Variants in L3MBTL4 observed in about 807,000 individuals in gnomAD.
L3MBTL4 encodes lethal(3)malignant brain tumor-like protein 4.
Under a neutral mutation model 84.5 loss-of-function variants are expected in L3MBTL4, and 70 were observed. The observed-to-expected ratio is 0.83, with a 90% confidence interval of 0.68 to 1.01. L3MBTL4 has a LOEUF of 1.01. Ranked by LOEUF, L3MBTL4 falls within the 50% of genes least tolerant of loss-of-function variation. The probability of loss-of-function intolerance (pLI) is 0.00; values close to 1 mark genes in which losing one functional copy is unlikely to be tolerated. For synonymous variants in L3MBTL4, 274 were observed against 259.8 expected (o/e 1.05, Z -0.52); for missense variants, 715 against 754.8 (o/e 0.95, Z 0.62).
At chr18:6,367,683 C>T (rs567593421) in intron 1 of L3MBTL4, 4 of 152,526 alleles carry the variant, frequency 2.6e-5, no homozygotes, top group African/African-American at 9.7e-5. Flanking sequence ...AGTCAGAGCA[C>T]TCAGATAAAG....
intron 12 of L3MBTL4, among the ~76,000 whole-genome samples, chr18:6,182,792 AG>A (rs34091017): frequency 0.64 from 97,035 of 152,094 alleles, 33,026 homozygotes; most frequent in African/African-American, 0.87. Flanking sequence ...GTTATTGAAT[AG>A]GGGAGTCCTT....
At chr18:6,264,309 A>G (rs1568404467) in intron 4 of L3MBTL4, among the ~76,000 whole-genome samples, 1 of 152,304 alleles carries the variant, frequency 6.6e-6, no homozygotes, top group East Asian at 1.9e-4. Flanking sequence ...GTTAGGTACC[A>G]TCTTGCTCCT....
At chr18:6,387,541 G>A (rs573689537) in intron 1 of L3MBTL4, among the ~76,000 whole-genome samples, 1 of 152,272 alleles carries the variant, frequency 6.6e-6, no homozygotes, top group South Asian at 2.1e-4. Flanking sequence ...TTTAATGGAA[G>A]AGTTTGAGAT....
At chr18:6,060,883 G>A (rs2057192804) in intron 16 of L3MBTL4, among the ~76,000 whole-genome samples, 2 of 152,016 alleles carry the variant, frequency 1.3e-5, no homozygotes, top group South Asian at 4.1e-4. Flanking sequence ...TATATCCACA[G>A]ACTCACCTAT....
At chr18:6,081,453 T>C (rs2058075412) in intron 15 of L3MBTL4, among the ~76,000 whole-genome samples, 1 of 152,236 alleles carries the variant, frequency 6.6e-6, no homozygotes, top group Non-Finnish European at 1.5e-5. Flanking sequence ...GTTATTCTTT[T>C]ATCATGGAAC....
In L3MBTL4 at chr18:6,245,865, A is replaced by G. The variant is rs547966056; in HGVS notation, c.220-1277T>C. On this transcript the variant is annotated intron_variant, in intron 5 of 18. Transcript: ENST00000317931. ...CTGAGCCTCCCAAAGGGCTAGGAAT[A>G]TAGGTGTGAGCCACTGCACCTGTCC... Among the ~76,000 whole-genome samples the G allele has an allele frequency of 2.0e-5, 3 of 152,310 alleles. No individual in the cohort carries two copies. In the South Asian group the frequency reaches 6.2e-4, roughly 32 times the overall value.
intron 18 of L3MBTL4, among the ~76,000 whole-genome samples, chr18:5,958,964 T>C (rs1302300411): frequency 1.3e-5 from 2 of 152,142 alleles, no homozygotes; most frequent in African/African-American, 4.8e-5. Flanking sequence ...GAGTAGACTG[T>C]ATGTGTGAAC....
intron 17 of L3MBTL4, among the ~76,000 whole-genome samples, chr18:5,966,947 T>C (rs540731407): frequency 4.6e-5 from 7 of 152,356 alleles, no homozygotes; most frequent in African/African-American, 1.4e-4. Flanking sequence ...AAATGTCTAT[T>C]GAATCTGAGT....
intron 1 of L3MBTL4, among the ~76,000 whole-genome samples, chr18:6,363,618 A>C (rs953041430): frequency 2.0e-5 from 3 of 151,334 alleles, no homozygotes; most frequent in African/African-American, 7.3e-5. Context: ...ACTTCATATG[A>C]GTTAACCCCT....
At chr18:5,975,272 C>G (rs2052858039) in intron 16 of L3MBTL4, among the ~76,000 whole-genome samples, 1 of 152,290 alleles carries the variant, frequency 6.6e-6, no homozygotes, top group African/African-American at 2.4e-5. Flanking sequence ...AACGGAGACC[C>G]ATTTCACAAG....
rs528272100 is a variant in L3MBTL4 at position 6,175,495 on chromosome 18, A to G, written c.982-3553T>C. Among the ~76,000 whole-genome samples, 54 of 152,362 alleles carry G rather than the reference A, an allele frequency of 3.5e-4. 1 individual carries two copies. Among genetic ancestry groups the G allele is most frequent in the Admixed American group, 1.4e-3 (21 of 15,306 alleles). On this transcript the variant is annotated intron_variant, in intron 12 of 18. Transcript: ENST00000317931. ...GAAAACTACGATCTACATGAAGAGTACTAGCAACAGCAAATATGCGGGGAA... is the reference window on the plus strand; with the variant it reads ...GAAAACTACGATCTACATGAAGAGTGCTAGCAACAGCAAATATGCGGGGAA...
chr18:6,037,737 C>T (rs2056204179), intron 16 of L3MBTL4, among the ~76,000 whole-genome samples: 1 of 152,230 alleles, frequency 6.6e-6, no homozygotes, highest in Admixed American at 6.5e-5. Context: ...CTGCAACCAA[C>T]TGTAGCCTCT....
intron 14 of L3MBTL4, among the ~76,000 whole-genome samples, chr18:6,105,952 G>A (rs2058991460): frequency 6.6e-6 from 1 of 152,068 alleles, no homozygotes; most frequent in African/African-American, 2.4e-5. Context: ...AATATTAAGA[G>A]CAACAACAGG....
chr18:6,084,898 T>C (rs994974510), intron 15 of L3MBTL4, among the ~76,000 whole-genome samples: 4 of 151,672 alleles, frequency 2.6e-5, no homozygotes, highest in East Asian at 3.9e-4. Flanking sequence ...GGAGGGCGAG[T>C]GTGGGTGAGG....
At chr18:6,089,223 T>C (rs2058358714) in intron 15 of L3MBTL4, among the ~76,000 whole-genome samples, 1 of 152,178 alleles carries the variant, frequency 6.6e-6, no homozygotes, top group African/African-American at 2.4e-5. Context: ...ATGAAAATGT[T>C]TTAATGACTC....
At chr18:6,389,140 T>C (rs56141636) in intron 1 of L3MBTL4, among the ~76,000 whole-genome samples, 1,568 of 152,288 alleles carry the variant, frequency 0.01, 25 homozygotes, top group African/African-American at 0.035. Context: ...GGGTCCTACC[T>C]TTACCCTCAT....
intron 16 of L3MBTL4, chr18:6,030,673 C>G (rs1057349528): frequency 1.0e-6 from 1 of 956,746 alleles, no homozygotes; most frequent in Non-Finnish European, 1.2e-6. Flanking sequence ...TAATTTTTGT[C>G]AAATAAAAAA....
intron 5 of L3MBTL4, among the ~76,000 whole-genome samples, chr18:6,248,145 T>C (rs761286012): frequency 1.3e-5 from 2 of 152,226 alleles, no homozygotes; most frequent in Non-Finnish European, 2.9e-5. Context: ...TCTGCCCTCC[T>C]GCATCCACTT....
chr18:6,334,485 T>C lies in L3MBTL4; in HGVS notation c.-90-22429A>G, dbSNP rs190691135. On this transcript the variant is annotated intron_variant, in intron 1 of 18. Coordinates refer to ENST00000317931, the MANE Select transcript of L3MBTL4 (RefSeq NM_001330559.2). ...AAAGTCTAGTTTATTAAACTAATAA[T>C]TTTCTCTTAAATATGTTCAAAAATG... is the stretch of plus-strand genomic sequence containing the variant. 1.9e-3 allele frequency among the ~76,000 whole-genome samples: 295 copies of C among 152,276 alleles called. 1 individual carries two copies. The highest frequency in any genetic ancestry group is 6.9e-3 in the African/African-American group (286 of 41,548).
Sources: gnomAD v4.1 joint callset for allele counts (sites outside exome capture counted in the v4.1 genomes callset) on GRCh38, gnomAD v4.1.1 for gene constraint, MANE v1.5 for transcripts, NCBI Gene and HGNC (gene_info 2026-07-23, HGNC 2026-07-21) for gene names.